TANGO6: variants seen among roughly 807,000 people sequenced by gnomAD.
The protein encoded by TANGO6 is transport and golgi organization 6 homolog.
TANGO6 carries 90 observed loss-of-function variants against 114.2 expected under a neutral mutation model. The ratio of observed to expected loss-of-function variants is 0.79; its 90% CI spans 0.66 to 0.94. TANGO6 has a LOEUF of 0.94. Ranked by LOEUF, TANGO6 falls within the 40% of genes least tolerant of loss-of-function variation. TANGO6 has a pLI of 0.00. For missense variants in TANGO6, 1,274 were observed against 1,315.3 expected (o/e 0.97, Z 0.49); for synonymous variants, 477 against 509.8 (o/e 0.94, Z 0.87).
intron 1 of TANGO6, among the ~76,000 whole-genome samples, chr16:68,854,289 A>C (rs535950491): frequency 2.6e-4 from 40 of 152,212 alleles, no homozygotes; most frequent in Non-Finnish European, 4.3e-4. Flanking sequence ...CCTCATCTCT[A>C]TAAATAATTA....
intron 14 of TANGO6, among the ~76,000 whole-genome samples, chr16:68,964,520 G>T (rs1453305237): frequency 6.6e-6 from 1 of 150,854 alleles, no homozygotes; most frequent in Admixed American, 6.6e-5. Flanking sequence ...CTTAACAATA[G>T]CTCTTAGAAT....
At chr16:68,980,630 A>T (rs1178043497) in intron 15 of TANGO6, among the ~76,000 whole-genome samples, 4 of 151,240 alleles carry the variant, frequency 2.6e-5, no homozygotes, top group South Asian at 2.1e-4. Context: ...TGAGGTTGTT[A>T]TGAGTAGCTG....
chr16:68,982,630 CT>C (rs562523656), intron 15 of TANGO6, among the ~76,000 whole-genome samples: 55 of 105,304 alleles, frequency 5.2e-4, no homozygotes, highest in Admixed American at 8.4e-4. Context: ...ATGCCCTGGC[CT>C]TTTTTTTTTT....
At chr16:68,948,854 A>G (rs1420834628) in intron 14 of TANGO6, among the ~76,000 whole-genome samples, 1 of 152,214 alleles carries the variant, frequency 6.6e-6, no homozygotes. Context: ...TGAAAGTATC[A>G]GCATTGTTTT....
At chr16:68,944,071 G>C (rs1963388001) in intron 14 of TANGO6, among the ~76,000 whole-genome samples, 1 of 152,104 alleles carries the variant, frequency 6.6e-6, no homozygotes, top group Admixed American at 6.6e-5. Flanking sequence ...TATCCCTTGA[G>C]ATATGAGTCT....
intron 15 of TANGO6, among the ~76,000 whole-genome samples, chr16:68,984,140 G>A (rs1276938766): frequency 6.6e-6 from 1 of 152,106 alleles, no homozygotes; most frequent in Non-Finnish European, 1.5e-5. Flanking sequence ...GGTTGGAAGT[G>A]TGAATAATTG....
chr16:69,037,641 G>A lies in TANGO6; in HGVS notation c.2995-2667G>A, dbSNP rs190611163. 1.5e-3 allele frequency among the ~76,000 whole-genome samples: 226 copies of A among 152,324 alleles called. 2 individuals carry two copies. In the Middle Eastern group the frequency reaches 0.017, roughly 11 times the overall value. On this transcript the variant is annotated intron_variant, in intron 16 of 17. Coordinates refer to ENST00000261778, the MANE Select transcript of TANGO6 (RefSeq NM_024562.2). ...TGCCCAAGGAATTCCTCTTAGGACT[G>A]AATTGCTTCTACTGTTAATGCCACA...
At chr16:69,057,004 T>C (rs1364928926) in intron 17 of TANGO6, among the ~76,000 whole-genome samples, 2 of 128,630 alleles carry the variant, frequency 1.6e-5, no homozygotes, top group Admixed American at 7.7e-5. Flanking sequence ...TTTCTTTTTT[T>C]TTTTTTTTTT....
At chr16:68,923,028 A>G (rs1597021654) in intron 12 of TANGO6, among the ~76,000 whole-genome samples, 1 of 139,410 alleles carries the variant, frequency 7.2e-6, no homozygotes, top group African/African-American at 2.8e-5. Context: ...GCTCACCGCA[A>G]CCTCCGCCCG....
intron 4 of TANGO6, among the ~76,000 whole-genome samples, chr16:68,870,827 T>C (rs1478328922): frequency 1.3e-5 from 2 of 151,972 alleles, no homozygotes; most frequent in Non-Finnish European, 2.9e-5. Context: ...AGACGGAATT[T>C]CGCTCTTGTT....
intron 17 of TANGO6, among the ~76,000 whole-genome samples, chr16:69,070,116 G>A (rs1253702593): frequency 6.6e-6 from 1 of 151,782 alleles, no homozygotes; most frequent in Non-Finnish European, 1.5e-5. Context: ...GCTGAGGCAG[G>A]AGAATCACTT....
chr16:68,880,817 T>C (rs1962450118), intron 7 of TANGO6, among the ~76,000 whole-genome samples, 187 bp downstream of exon 7: 1 of 151,940 alleles, frequency 6.6e-6, no homozygotes, highest in Admixed American at 6.6e-5. Context: ...GAGCCGCTGC[T>C]CCCAGCCTTT....
intron 1 of TANGO6, among the ~76,000 whole-genome samples, chr16:68,854,419 TG>T (rs1961952722): frequency 6.6e-6 from 1 of 152,132 alleles, no homozygotes; most frequent in Non-Finnish European, 1.5e-5. Context: ...CACTCCAGCC[TG>T]GGTGACAGAG....
chr16:69,060,907 A>G (rs2312583), intron 17 of TANGO6, among the ~76,000 whole-genome samples: 100,244 of 151,740 alleles, frequency 0.66, 33,218 homozygotes, highest in Admixed American at 0.69. Context: ...CAGGTGAATC[A>G]CTTGAACCCG....
At chr16:68,909,086 A>T (rs1962888786) in intron 10 of TANGO6, 125 bp from the exon 11 acceptor site, 1 of 833,794 alleles carries the variant, frequency 1.2e-6, no homozygotes, top group African/African-American at 1.8e-5. Context: ...ATTATAAATA[A>T]TGTTGCAACA....
At chr16:69,072,816 CA>C (rs1464437727) in intron 17 of TANGO6, among the ~76,000 whole-genome samples, 5 of 152,008 alleles carry the variant, frequency 3.3e-5, no homozygotes, top group Non-Finnish European at 7.4e-5. Flanking sequence ...CAGAAGTGCC[CA>C]GGGGGAAATT....
At chr16:69,031,516 CATGGTTAA>C (rs1340033861) in intron 16 of TANGO6, among the ~76,000 whole-genome samples, 2 of 151,956 alleles carry the variant, frequency 1.3e-5, no homozygotes, top group Non-Finnish European at 2.9e-5. Flanking sequence ...GCCTGGGCAA[CATGGTTAA>C]ATCCCATCTC....
At chr16:69,071,791 G>A (rs913703605) in intron 17 of TANGO6, among the ~76,000 whole-genome samples, 4 of 152,200 alleles carry the variant, frequency 2.6e-5, no homozygotes, top group African/African-American at 9.6e-5. Context: ...AAATGTTCCA[G>A]GTCAAGCTCA....
At chr16:69,005,170 G>A (rs1964081086) in intron 15 of TANGO6, among the ~76,000 whole-genome samples, 1 of 152,178 alleles carries the variant, frequency 6.6e-6, no homozygotes, top group Non-Finnish European at 1.5e-5. Flanking sequence ...CAACACAGTG[G>A]GGGACCACTC....
Sources: allele counts gnomAD v4.1 joint callset (sites outside exome capture counted in the v4.1 genomes callset), GRCh38; gene constraint gnomAD v4.1.1; transcripts MANE v1.5; gene names NCBI Gene and HGNC (gene_info 2026-07-23, HGNC 2026-07-21).